Variants in CPM observed in about 807,000 individuals in gnomAD.
The protein encoded by CPM is carboxypeptidase M, also known as renal carboxypeptidase.
A neutral mutation model predicts 46.4 loss-of-function variants in CPM; 35 were observed. That is an observed-to-expected ratio of 0.75 (90% CI 0.58 to 1.00). The LOEUF (loss-of-function observed/expected upper bound fraction) is 1.00, where lower values mean the gene tolerates loss of function less well. Among genes scored for constraint, CPM ranks in the 50% least tolerant of loss-of-function variants. The pLI is 0.00. For missense variants in CPM, 422 were observed against 530.4 expected (o/e 0.80, Z 2.01); for synonymous variants, 195 against 195.3 (o/e 1.00, Z 0.01).
chr12:68,845,365 T>A, intron 5 of CPM: 1 of 211,712 alleles, frequency 4.7e-6, no homozygotes, highest in Non-Finnish European at 9.6e-6. Context: ...ACTTGGAAGG[T>A]GTTCAGAAGT....
chr12:68,913,751 G>T, intron 2 of CPM: 1 of 459,234 alleles, frequency 2.2e-6, no homozygotes, highest in Admixed American at 2.6e-5. Context: ...GCTGGTAGTG[G>T]AACCTTTATT....
At chr12:68,858,627 T>C (rs1343918225) in intron 8 of CPM, among the ~76,000 whole-genome samples, 1 of 152,172 alleles carries the variant, frequency 6.6e-6, no homozygotes, top group Non-Finnish European at 1.5e-5. Context: ...GCTTATTCTT[T>C]ATTATTAATC....
At chr12:68,879,714 C>T (rs1403083578) in intron 3 of CPM, among the ~76,000 whole-genome samples, 1 of 152,096 alleles carries the variant, frequency 6.6e-6, no homozygotes, top group Non-Finnish European at 1.5e-5. Context: ...TCAATATTTC[C>T]ATTAGGCAGG....
intron 2 of CPM, among the ~76,000 whole-genome samples, chr12:68,926,813 G>A (rs957525116): frequency 5.9e-5 from 9 of 152,010 alleles, no homozygotes; most frequent in African/African-American, 2.2e-4. Flanking sequence ...AATATGTGGT[G>A]TTTGGTTTTT....
intron 1 of CPM, among the ~76,000 whole-genome samples, chr12:68,957,157 G>T (rs1889034016): frequency 6.6e-6 from 1 of 152,058 alleles, no homozygotes; most frequent in Admixed American, 6.5e-5. Flanking sequence ...CAGCAAGAAG[G>T]TCTCATGTCC....
rs1164515921 is a variant in CPM, at chr12:68,846,127, G to T, written c.534-3798C>A. On this transcript the variant is annotated intron_variant, in intron 5 of 5. Transcript: ENST00000551897. ...CAACCACACCTGGCTAATTTTTTTT[G>T]TATTTTTAGTAGAGATGGGGTTTCA... The T allele has an allele frequency of 2.6e-5, 4 of 151,826 alleles. No individual in the cohort carries two copies. The East Asian group carries it at 5.8e-4, about 22-fold the overall frequency. 9.4% of individuals were successfully genotyped at this position (151,826 alleles called of 1,614,324 possible).
At chr12:68,846,405 A>AG (rs1884301337), downstream of CPM, 1 of 152,112 alleles carries the variant, frequency 6.6e-6, no homozygotes, top group Admixed American at 6.6e-5. Flanking sequence ...CACCTTTTAA[A>AG]TTTATTCCAT....
At chr12:68,921,014 T>A (rs115109763) in intron 2 of CPM, among the ~76,000 whole-genome samples, 8,456 of 151,978 alleles carry the variant, frequency 0.056, 523 homozygotes, top group African/African-American at 0.15. Flanking sequence ...TGCTTAACTC[T>A]TGGGGGAAAA....
rs902187931 is a variant in CPM, at chr12:68,855,386, C to T, written c.*1051G>A. ...GTCCTGTGGGCAGTGGGACGCGAGT[C>T]TGAAGCTCAGGCAAGAGGCTAGAGT... is the stretch of plus-strand genomic sequence containing the variant. On this transcript the variant is annotated 3_prime_UTR_variant, in exon 9 of 9. Transcript: ENST00000551568. 9.8e-5 allele frequency: 15 copies of T among 152,380 alleles called. No individual in the cohort carries two copies. The highest frequency in any genetic ancestry group is 3.6e-4 in the African/African-American group (15 of 41,528). The allele number at this position is 152,380 out of a possible 1,614,324, so 9.4% of individuals were successfully genotyped here.
intron 7 of CPM, among the ~76,000 whole-genome samples, chr12:68,863,500 G>T (rs1298480183): frequency 6.6e-6 from 1 of 152,092 alleles, no homozygotes; most frequent in Non-Finnish European, 1.5e-5. Context: ...AGCACCAAGG[G>T]GCCCGAGTTT....
intron 2 of CPM, among the ~76,000 whole-genome samples, chr12:68,891,805 C>T (rs561698710): frequency 3.3e-5 from 5 of 152,030 alleles, no homozygotes; most frequent in Non-Finnish European, 5.9e-5. Flanking sequence ...AGAGTAATCG[C>T]GGCTCACTGC....
intron 3 of CPM, among the ~76,000 whole-genome samples, chr12:68,874,642 G>C (rs750610427): frequency 6.6e-6 from 1 of 152,086 alleles, no homozygotes; most frequent in Admixed American, 6.6e-5. Flanking sequence ...GAAAAAGATC[G>C]TTGGTTTAAG....
intron 2 of CPM, among the ~76,000 whole-genome samples, chr12:68,928,639 A>G (rs1888370300): frequency 1.3e-5 from 2 of 152,246 alleles, no homozygotes; most frequent in Non-Finnish European, 2.9e-5. Flanking sequence ...CTGGCTTTAA[A>G]AAATCTCTAA....
intron 2 of CPM, among the ~76,000 whole-genome samples, chr12:68,903,601 C>A (rs778379595): frequency 6.6e-6 from 1 of 152,288 alleles, no homozygotes; most frequent in Non-Finnish European, 1.5e-5. Context: ...TGAGTTTACC[C>A]GTTCATTAAA....
intron 2 of CPM, among the ~76,000 whole-genome samples, chr12:68,898,899 T>C (rs1592674711): frequency 6.6e-6 from 1 of 152,344 alleles, no homozygotes; most frequent in East Asian, 1.9e-4. Context: ...TTACAAGCTT[T>C]AAAAATAGTG....
At chr12:68,921,964 T>G (rs912366152) in intron 2 of CPM, among the ~76,000 whole-genome samples, 2 of 152,188 alleles carry the variant, frequency 1.3e-5, no homozygotes, top group Non-Finnish European at 2.9e-5. Flanking sequence ...ACATAATAAC[T>G]CTTAATCTTT....
chr12:68,932,061 A>G (rs1392233242), intron 2 of CPM, among the ~76,000 whole-genome samples: 2 of 152,236 alleles, frequency 1.3e-5, no homozygotes, highest in African/African-American at 4.8e-5. Flanking sequence ...GATACATTTT[A>G]AAAACAGCCT....
chr12:68,962,513 T>C (rs1750829029), intron 1 of CPM, among the ~76,000 whole-genome samples: 1 of 152,154 alleles, frequency 6.6e-6, no homozygotes, highest in Non-Finnish European at 1.5e-5. Flanking sequence ...GAAAGCCAGC[T>C]ATAAAACCTA....
intron 6 of CPM, among the ~76,000 whole-genome samples, chr12:68,867,759 G>A (rs116239895): frequency 0.013 from 1,933 of 152,258 alleles, 49 homozygotes; most frequent in African/African-American, 0.045. Flanking sequence ...TGAACGGCCC[G>A]GCCCCCTGTG....
Sources: gnomAD v4.1 joint callset for allele counts (sites outside exome capture counted in the v4.1 genomes callset) on GRCh38, gnomAD v4.1.1 for gene constraint, MANE v1.5 for transcripts, NCBI Gene and HGNC (gene_info 2026-07-23, HGNC 2026-07-21) for gene names.